MARK1: variants seen among roughly 807,000 people sequenced by gnomAD.
MARK1 encodes microtubule affinity regulating kinase 1, also known as serine/threonine-protein kinase MARK1.
MARK1 carries 40 observed loss-of-function variants against 96.3 expected under a neutral mutation model. That is an observed-to-expected ratio of 0.42 (90% CI 0.32 to 0.54). The LOEUF (loss-of-function observed/expected upper bound fraction) is 0.54. Among genes scored for constraint, MARK1 ranks in the 20% least tolerant of loss-of-function variants. The probability of loss-of-function intolerance (pLI) is 0.16; values close to 1 mark genes in which losing one functional copy is unlikely to be tolerated. For synonymous variants in MARK1, 317 were observed against 341.2 expected (o/e 0.93, Z 0.78); for missense variants, 719 against 984.6 (o/e 0.73, Z 3.61).
chr1:220,616,267 C>T (rs778238342), intron 7 of MARK1, among the ~76,000 whole-genome samples: 20 of 152,292 alleles, frequency 1.3e-4, no homozygotes, highest in South Asian at 1.0e-3. Flanking sequence ...TATGGAACTT[C>T]GTTCCCAGCC....
chr1:220,596,152 C>T (rs1338643823), intron 3 of MARK1, among the ~76,000 whole-genome samples: 1 of 152,080 alleles, frequency 6.6e-6, no homozygotes, highest in Non-Finnish European at 1.5e-5. Flanking sequence ...CATGATAAAT[C>T]ATTAGGAGAA....
chr1:220,635,342 T>C lies in MARK1; in HGVS notation c.1123-34T>C, dbSNP rs200100063. On this transcript the variant is annotated intron_variant, in intron 11 of 17. Coordinates refer to ENST00000366917, the MANE Select transcript of MARK1 (RefSeq NM_018650.5). ...GTGCAAACTTTTTTTTTTTTTTTTT[T>C]GCTTTAAAATCCCTGTGGTTTTTCT... 3.5e-3 allele frequency: 5,119 copies of C among 1,442,992 alleles called. 7 individuals carry two copies. Among genetic ancestry groups the C allele is most frequent in the Admixed American group, 5.2e-3 (199 of 38,166 alleles). 89.4% of individuals were successfully genotyped at this position (1,442,992 alleles called of 1,614,324 possible).
intron 1 of MARK1, among the ~76,000 whole-genome samples, chr1:220,534,152 CTTAT>C (rs1660520406): frequency 1.3e-5 from 2 of 151,402 alleles, no homozygotes; most frequent in South Asian, 4.2e-4. Flanking sequence ...TTTTTCACGT[CTTAT>C]TTTTTATTTA....
intron 1 of MARK1, among the ~76,000 whole-genome samples, chr1:220,555,698 T>C (rs572720170): frequency 2.6e-5 from 4 of 152,272 alleles, no homozygotes; most frequent in African/African-American, 9.6e-5. Flanking sequence ...CTATGAGAAA[T>C]CTGAAGTGCC....
chr1:220,546,791 C>T (rs933523844), intron 1 of MARK1, among the ~76,000 whole-genome samples: 4 of 151,966 alleles, frequency 2.6e-5, no homozygotes, highest in East Asian at 1.9e-4. Context: ...TGGGCAACAA[C>T]GGTGAAACCC....
At chr1:220,586,024 CAGAG>C (rs1553323045) in intron 3 of MARK1, among the ~76,000 whole-genome samples, 91 of 151,462 alleles carry the variant, frequency 6.0e-4, no homozygotes, top group African/African-American at 2.0e-3. Flanking sequence ...CGCGCGTGCG[CAGAG>C]AGAGAGAGTT....
At chr1:220,585,984 TACACACACACACAC>T (rs1553322886) in intron 3 of MARK1, among the ~76,000 whole-genome samples, 6 of 52,892 alleles carry the variant, frequency 1.1e-4, no homozygotes, top group African/African-American at 2.6e-4. Flanking sequence ...TACATACGTA[TACACACACACACAC>T]ACACACACAC....
Position 220,536,704 on chromosome 1 carries a change from C to T in MARK1, c.51+7831C>T, listed in dbSNP as rs992977203. Among the ~76,000 whole-genome samples the T allele has an allele frequency of 9.2e-5, 14 of 152,070 alleles. No homozygotes were observed. The South Asian group carries it at 1.9e-3, about 20-fold the overall frequency. The stretch of plus-strand genomic sequence containing the variant: ...CCAAGTAGCTGAGATTATAGGCACA[C>T]GCCAGTAGCTGGGATTACAGGTGCA... On this transcript the variant is annotated intron_variant, in intron 1 of 17. Coordinates refer to ENST00000366917, the MANE Select transcript of MARK1 (RefSeq NM_018650.5).
chr1:220,648,053 G>C, intron 13 of MARK1, among the ~76,000 whole-genome samples: 1 of 146,354 alleles, frequency 6.8e-6, no homozygotes, highest in Middle Eastern at 3.6e-3. Context: ...TATAAAATAA[G>C]ATTTAAAAAT....
chr1:220,572,586 T>TAATGTTGA (rs1353906379), intron 1 of MARK1, among the ~76,000 whole-genome samples: 15 of 152,114 alleles, frequency 9.9e-5, no homozygotes, highest in Non-Finnish European at 4.4e-5. Context: ...ATTGAGAGAG[T>TAATGTTGA]AATGTTGAAA....
At chr1:220,590,459 CT>C (rs1305493677) in intron 3 of MARK1, among the ~76,000 whole-genome samples, 1 of 152,102 alleles carries the variant, frequency 6.6e-6, no homozygotes, top group Non-Finnish European at 1.5e-5. Flanking sequence ...ATTTCTCCCT[CT>C]TTTTAGGACA....
chr1:220,554,607 C>A (rs1473029655), intron 1 of MARK1, among the ~76,000 whole-genome samples: 2 of 152,152 alleles, frequency 1.3e-5, no homozygotes, highest in Non-Finnish European at 2.9e-5. Flanking sequence ...AATGAAGCAG[C>A]AAGCTGGTTC....
chr1:220,551,307 T>C (rs568765445), intron 1 of MARK1, among the ~76,000 whole-genome samples: 1 of 152,236 alleles, frequency 6.6e-6, no homozygotes, highest in East Asian at 1.9e-4. Context: ...AAATGGTTAC[T>C]GTTTTCATTT....
intron 1 of MARK1, among the ~76,000 whole-genome samples, chr1:220,532,934 G>A (rs761238284): frequency 1.5e-4 from 23 of 151,810 alleles, no homozygotes; most frequent in Non-Finnish European, 2.2e-4. Flanking sequence ...TGCTTGAGCC[G>A]AGGAGATAAA....
At chr1:220,549,070 C>G (rs138063094) in intron 1 of MARK1, among the ~76,000 whole-genome samples, 2 of 152,272 alleles carry the variant, frequency 1.3e-5, no homozygotes, top group East Asian at 3.9e-4. Context: ...TGTCTCAGCC[C>G]TCAGGCTGTG....
chr1:220,610,474 C>G (rs999843670), intron 6 of MARK1, among the ~76,000 whole-genome samples: 8 of 152,104 alleles, frequency 5.3e-5, no homozygotes, highest in African/African-American at 1.4e-4. Flanking sequence ...GGGTTTTTAG[C>G]TTCCTTGTGA....
In MARK1 at chr1:220,663,466, G is replaced by A. The variant is rs1021490285; in HGVS notation, c.*1300G>A. 6.6e-6 allele frequency: 1 copy of A among 152,488 alleles called. No individual in the cohort carries two copies. The highest frequency in any genetic ancestry group is 6.5e-5 in the Admixed American group (1 of 15,268). 9.4% of individuals were successfully genotyped at this position (152,488 alleles called of 1,614,324 possible). A position where few individuals can be genotyped will look rare whatever the true frequency, so the allele number is the denominator to read the frequency against. ...ATTTTAATACTTGTTATTTTATACTGAATTAGCCTTGGAGGTTGACTGTGC... is the reference window on the plus strand; with the variant it reads ...ATTTTAATACTTGTTATTTTATACTAAATTAGCCTTGGAGGTTGACTGTGC... On this transcript the variant is annotated 3_prime_UTR_variant, in exon 18 of 18. Transcript: ENST00000366917.
chr1:220,612,849 T>C lies in MARK1; in HGVS notation c.496-3090T>C, dbSNP rs114304381. Among the ~76,000 whole-genome samples, 1,172 of 152,288 alleles carry C rather than the reference T, an allele frequency of 7.7e-3. 14 individuals carry two copies. The highest frequency in any genetic ancestry group is 0.026 in the African/African-American group (1,061 of 41,556). ...TACTCTTAGAAATACCAAAGACACT[T>C]GGGCAGTTTAAGACCACTGAGCAGC... On this transcript the variant is annotated intron_variant, in intron 6 of 17. Transcript: ENST00000366917.
At chr1:220,631,513 A>G (rs1667678358) in intron 10 of MARK1, among the ~76,000 whole-genome samples, 1 of 152,162 alleles carries the variant, frequency 6.6e-6, no homozygotes, top group African/African-American at 2.4e-5. Flanking sequence ...TAAGAGTTGA[A>G]CACTTTGGCT....
Sources: allele counts gnomAD v4.1 joint callset (sites outside exome capture counted in the v4.1 genomes callset), GRCh38; gene constraint gnomAD v4.1.1; transcripts MANE v1.5; gene names NCBI Gene and HGNC (gene_info 2026-07-23, HGNC 2026-07-21).